The following CNBD1 variants were observed in gnomAD, a reference collection of about 807,000 sequenced individuals.
CNBD1 encodes the protein cyclic nucleotide-binding domain-containing protein 1.
CNBD1 carries 71 observed loss-of-function variants against 54.4 expected under a neutral mutation model. The ratio of observed to expected loss-of-function variants is 1.30; its 90% CI spans 1.08 to 1.59. The LOEUF is 1.59. Among genes scored for constraint, CNBD1 ranks in the 40% most tolerant of loss-of-function variants. The probability of loss-of-function intolerance (pLI) is 0.00; values close to 1 mark genes in which losing one functional copy is unlikely to be tolerated. For synonymous variants in CNBD1, 182 were observed against 170.7 expected (o/e 1.07, Z -0.51); for missense variants, 659 against 518.0 (o/e 1.27, Z -2.64).
chr8:87,364,380 T>C (rs1276526619), intron 10 of CNBD1, among the ~76,000 whole-genome samples: 1 of 151,902 alleles, frequency 6.6e-6, no homozygotes, highest in Non-Finnish European at 1.5e-5. Context: ...GAAGTTAATG[T>C]TTTTGCTCGA....
chr8:87,067,839 A>C (rs1300401584), intron 4 of CNBD1, among the ~76,000 whole-genome samples: 1 of 151,916 alleles, frequency 6.6e-6, no homozygotes, highest in East Asian at 1.9e-4. Flanking sequence ...CAATATACTT[A>C]GTGTTTCCAC....
intron 4 of CNBD1, among the ~76,000 whole-genome samples, chr8:87,110,131 C>T (rs1361027720): frequency 6.6e-6 from 1 of 152,130 alleles, no homozygotes; most frequent in African/African-American, 2.4e-5. Flanking sequence ...AGGATTATCC[C>T]TCACAGTTGT....
chr8:87,194,323 A>G (rs1813671880), intron 4 of CNBD1, among the ~76,000 whole-genome samples: 1 of 152,208 alleles, frequency 6.6e-6, no homozygotes, highest in Non-Finnish European at 1.5e-5. Flanking sequence ...AATGTTTAAG[A>G]AGGCAGTGAG....
chr8:87,343,486 C>T (rs532566299), intron 8 of CNBD1, among the ~76,000 whole-genome samples: 12 of 152,154 alleles, frequency 7.9e-5, no homozygotes, highest in Non-Finnish European at 1.8e-4. Context: ...TGGCTTCAGC[C>T]GGTCCCTCCA....
chr8:87,057,203 G>A (rs1810433958), intron 4 of CNBD1, among the ~76,000 whole-genome samples: 1 of 152,136 alleles, frequency 6.6e-6, no homozygotes, highest in Admixed American at 6.5e-5. Flanking sequence ...AAAGGAAAGA[G>A]GTTTAATTGA....
At chr8:87,349,985 C>T (rs1810251331) in intron 8 of CNBD1, among the ~76,000 whole-genome samples, 1 of 152,108 alleles carries the variant, frequency 6.6e-6, no homozygotes, top group East Asian at 1.9e-4. Context: ...TATAGTAGTA[C>T]AGGTCTCATA....
At position 87,063,785 on chromosome 8, in the gene CNBD1, G is replaced by C. The variant is rs79198363; in HGVS notation, c.431+124031G>C. On this transcript the variant is annotated intron_variant, in intron 4 of 10. Coordinates refer to ENST00000518476, the MANE Select transcript of CNBD1 (RefSeq NM_173538.3). ...AAAACTTCAAAAACTTCTCTCAATA[G>C]AGTTTATAATTTTCTGAAAGGAGGA... is the stretch of plus-strand genomic sequence containing the variant. 2.7e-3 allele frequency among the ~76,000 whole-genome samples: 417 copies of C among 151,944 alleles called. 3 individuals are homozygous for C. Among genetic ancestry groups the C allele is most frequent in the African/African-American group, 9.4e-3 (389 of 41,504 alleles).
chr8:87,377,701 A>C (rs1389528452), intron 10 of CNBD1, among the ~76,000 whole-genome samples: 1 of 143,114 alleles, frequency 7.0e-6, no homozygotes, highest in African/African-American at 2.7e-5. Flanking sequence ...TGGTATTTCT[A>C]GTTCTAGATC....
At chr8:87,231,168 A>G (rs1007303434) in intron 5 of CNBD1, among the ~76,000 whole-genome samples, 1 of 152,164 alleles carries the variant, frequency 6.6e-6, no homozygotes, top group Non-Finnish European at 1.5e-5. Context: ...TTTATATCAT[A>G]AACATGTATT....
At chr8:87,401,974 T>A (rs957751508) in intron 2 of CNBD1, among the ~76,000 whole-genome samples, 11 of 151,972 alleles carry the variant, frequency 7.2e-5, no homozygotes, top group Non-Finnish European at 1.6e-4. Flanking sequence ...ATTAGTTCAT[T>A]TTCATACTGT....
intron 4 of CNBD1, among the ~76,000 whole-genome samples, chr8:86,989,085 A>G (rs1808678155): frequency 6.6e-6 from 1 of 152,116 alleles, no homozygotes; most frequent in Non-Finnish European, 1.5e-5. Flanking sequence ...AGCACAGGCA[A>G]CATAGTGAGA....
At chr8:87,063,017 C>T (rs966405931) in intron 4 of CNBD1, among the ~76,000 whole-genome samples, 1 of 152,090 alleles carries the variant, frequency 6.6e-6, no homozygotes, top group African/African-American at 2.4e-5. Context: ...GCAGATCAGA[C>T]CCCTGCAAAG....
intron 4 of CNBD1, among the ~76,000 whole-genome samples, chr8:87,137,083 A>ATATAT (rs1554559047): frequency 0.01 from 945 of 92,276 alleles, 16 homozygotes; most frequent in Non-Finnish European, 0.011. Flanking sequence ...TGTAAATTAT[A>ATATAT]TATATTTATA....
chr8:87,121,062 A>G (rs1811879596), intron 4 of CNBD1, among the ~76,000 whole-genome samples: 1 of 151,872 alleles, frequency 6.6e-6, no homozygotes, highest in Non-Finnish European at 1.5e-5. Flanking sequence ...TATTAAATTC[A>G]GTTTGATTAA....
chr8:86,884,179 A>T (rs1158614399), intron 1 of CNBD1, among the ~76,000 whole-genome samples: 2 of 151,292 alleles, frequency 1.3e-5, no homozygotes, highest in Non-Finnish European at 2.9e-5. Context: ...AACAAAACAA[A>T]AAAACCTTGC....
At chr8:87,215,472 C>T (rs1814189372) in intron 5 of CNBD1, among the ~76,000 whole-genome samples, 1 of 151,726 alleles carries the variant, frequency 6.6e-6, no homozygotes, top group Admixed American at 6.6e-5. Context: ...CCTGTAGTCC[C>T]AGCTACTCCA....
At chr8:86,998,939 A>T (rs952206100) in intron 4 of CNBD1, among the ~76,000 whole-genome samples, 1 of 152,172 alleles carries the variant, frequency 6.6e-6, no homozygotes, top group Admixed American at 6.5e-5. Context: ...ATGTGATTCA[A>T]TGAACTCATT....
rs558525001 is a variant in CNBD1 at position 87,071,866 on chromosome 8, G to C, written c.431+132112G>C. 7.1e-4 allele frequency among the ~76,000 whole-genome samples: 108 copies of C among 152,132 alleles called. 3 individuals carry two copies. The South Asian group carries it at 0.021, about 30-fold the overall frequency. The stretch of plus-strand genomic sequence containing the variant: ...CTGAGTTCAGGTCCTGAATATCTTT[G>C]TTAATTTTCTGTCTCAATGATCTGT... On this transcript the variant is annotated intron_variant, in intron 4 of 10. Transcript: ENST00000518476.
At chr8:87,268,286 T>G (rs1334809017) in intron 6 of CNBD1, among the ~76,000 whole-genome samples, 1 of 152,142 alleles carries the variant, frequency 6.6e-6, no homozygotes, top group Non-Finnish European at 1.5e-5. Flanking sequence ...CATGATTTTG[T>G]TCTTTTGTAT....
Sources: gnomAD v4.1 joint callset for allele counts (sites outside exome capture counted in the v4.1 genomes callset) on GRCh38, gnomAD v4.1.1 for gene constraint, MANE v1.5 for transcripts, NCBI Gene and HGNC (gene_info 2026-07-23, HGNC 2026-07-21) for gene names.